HOXB3: variants seen among roughly 807,000 people sequenced by gnomAD.
HOXB3 encodes homeobox B3.
In HOXB3, 17 loss-of-function variants were observed where a neutral mutation model predicts 29.2. The ratio of observed to expected loss-of-function variants is 0.58; its 90% CI spans 0.40 to 0.87. The LOEUF is 0.87. HOXB3 is among the 40% of genes least tolerant of loss of function. The pLI, the probability that HOXB3 is intolerant of heterozygous loss-of-function variation, is 0.00. For missense variants in HOXB3, 637 were observed against 616.3 expected, an observed-to-expected ratio of 1.03 and a Z score of -0.35; for synonymous variants, 317 against 285.9, an observed-to-expected ratio of 1.11 and a Z score of -1.10.
chr17:48,567,313 C>T (rs1486725224), intron 2 of HOXB3, among the ~76,000 whole-genome samples: 11 of 152,222 alleles, frequency 7.2e-5, no homozygotes, highest in Admixed American at 7.2e-4. Flanking sequence ...AACACCTGGG[C>T]GCGGCGTTGC....
chr17:48,565,265 G>A (rs2069353936), intron 2 of HOXB3, among the ~76,000 whole-genome samples: 1 of 152,144 alleles, frequency 6.6e-6, no homozygotes, highest in Admixed American at 6.5e-5. Context: ...GAAGTGTCCT[G>A]GACATCTTGG....
intron 1 of HOXB3, chr17:48,578,650 C>A (rs895096865): frequency 1.6e-5 from 5 of 303,800 alleles, no homozygotes; most frequent in South Asian, 9.3e-5. Flanking sequence ...AGAGAGAGAG[C>A]GCGCGCAGGT....
intron 2 of HOXB3, among the ~76,000 whole-genome samples, chr17:48,571,027 A>T (rs1248761828): frequency 6.6e-6 from 1 of 152,210 alleles, no homozygotes; most frequent in Non-Finnish European, 1.5e-5. Flanking sequence ...TTTTAAGGAC[A>T]AGAAAAAGAA....
intron 2 of HOXB3, among the ~76,000 whole-genome samples, chr17:48,572,835 G>A (rs1404861753): frequency 3.3e-5 from 5 of 152,176 alleles, no homozygotes; most frequent in African/African-American, 9.7e-5. Flanking sequence ...GCAGAGGTGT[G>A]ACTCTCCCTC....
At chr17:48,584,546 G>A (rs1212851295) in intron 1 of HOXB3, among the ~76,000 whole-genome samples, 2 of 152,218 alleles carry the variant, frequency 1.3e-5, no homozygotes, top group Admixed American at 1.3e-4. Flanking sequence ...CTTCACATTG[G>A]AAGTATTCTT....
In HOXB3 at chr17:48,550,558, A is replaced by G. The variant is rs766326326; in HGVS notation, c.1072T>C (p.Tyr358His). 4 of 1,516,488 alleles carry G rather than the reference A, an allele frequency of 2.6e-6. No individual in the cohort carries two copies. The highest frequency in any genetic ancestry group is 4.5e-5 in the East Asian group (2 of 44,184). 93.9% of individuals were successfully genotyped at this position (1,516,488 alleles called of 1,614,324 possible). Residue 358 changes from tyrosine (Y) to histidine (H), a missense_variant, in exon 5 of 5, where the codon TAC becomes CAC. By Grantham distance (83) the Tyr-to-His change is moderately conservative (BLOSUM62 2). Transcript: ENST00000498678. ...GSPVYVGGGGYADPLPPPAGP... is the reference protein window; with the variant it reads ...GSPVYVGGGGHADPLPPPAGP... ...GCAGGGGGCGGCAGCGGATCCGCGT[A>G]GCCGCCCCCGCCCACGTACACCGGA...
intron 2 of HOXB3, among the ~76,000 whole-genome samples, chr17:48,562,417 T>G (rs2069230587): frequency 6.6e-6 from 1 of 152,122 alleles, no homozygotes; most frequent in Non-Finnish European, 1.5e-5. Flanking sequence ...CGCTCTGCTG[T>G]GCTTCCCCAT....
chr17:48,573,399 C>G (rs901355060), intron 2 of HOXB3, among the ~76,000 whole-genome samples: 6 of 152,304 alleles, frequency 3.9e-5, no homozygotes, highest in Admixed American at 3.9e-4. Context: ...CACTGGTAAA[C>G]AGGCATAGGG....
intron 1 of HOXB3, chr17:48,577,825 C>T (rs1394206333): frequency 3.6e-6 from 5 of 1,379,768 alleles, no homozygotes; most frequent in Non-Finnish European, 3.8e-6. Context: ...GTGTAAAGCT[C>T]CAGGGGTGGG....
At chr17:48,558,068 A>T (rs769340962) in intron 2 of HOXB3, among the ~76,000 whole-genome samples, 1 of 152,070 alleles carries the variant, frequency 6.6e-6, no homozygotes, top group Non-Finnish European at 1.5e-5. Flanking sequence ...CCAAGAATGT[A>T]CCTCAAAACC....
intron 2 of HOXB3, among the ~76,000 whole-genome samples, chr17:48,571,931 TTC>T (rs1335645505): frequency 6.6e-6 from 1 of 152,226 alleles, no homozygotes; most frequent in African/African-American, 2.4e-5. Flanking sequence ...CCCAGCAAGG[TTC>T]TGTCTCTCCT....
In HOXB3 at chr17:48,550,588, C is replaced by A; in HGVS notation, c.1042G>T (p.Gly348Cys). Residue 348 changes from glycine to cysteine, a missense_variant, in exon 5 of 5, where the codon GGC (glycine) becomes TGC (cysteine). Coordinates refer to ENST00000498678, the MANE Select transcript of HOXB3 (RefSeq NM_001384749.1). ...GGAYGTPTMQ[G>C]SPVYVGGGGY... ...CCCCCGCCCACGTACACCGGACTGC[C>A]CTGCATGGTGGGCGTCCCGTAGGCG... is the stretch of plus-strand genomic sequence containing the variant. 1 of 1,525,440 alleles carries A rather than the reference C, an allele frequency of 6.6e-7. No individual in the cohort carries two copies. 94.5% of individuals were successfully genotyped at this position (1,525,440 alleles called of 1,614,324 possible). A position where few individuals can be genotyped will look rare whatever the true frequency, so the allele number is the denominator to read the frequency against.
At chr17:48,573,811 G>T (rs1427584446) in intron 2 of HOXB3, 26 bp downstream of exon 2, 1 of 701,158 alleles carries the variant, frequency 1.4e-6, no homozygotes, top group East Asian at 2.7e-5. Context: ...ATCAAAACAC[G>T]CCAGCCCGGG....
intron 2 of HOXB3, among the ~76,000 whole-genome samples, chr17:48,558,132 G>C (rs775089081): frequency 1.2e-4 from 19 of 152,170 alleles, no homozygotes; most frequent in Non-Finnish European, 1.9e-4. Flanking sequence ...TTGTAAAACT[G>C]AGAGAAGAGG....
intron 2 of HOXB3, among the ~76,000 whole-genome samples, chr17:48,570,473 C>G (rs1260498436): frequency 2.0e-5 from 3 of 152,184 alleles, no homozygotes; most frequent in Non-Finnish European, 4.4e-5. Context: ...AGGACCACAG[C>G]CTCCGGGGCA....
At chr17:48,576,667 CT>C in intron 1 of HOXB3, 24 of 1,292,238 alleles carry the variant, frequency 1.9e-5, no homozygotes, top group Non-Finnish European at 2.1e-5. Flanking sequence ...ACCCCATCCC[CT>C]GCACTCACTG....
chr17:48,566,392 G>T (rs2069387798), intron 2 of HOXB3, among the ~76,000 whole-genome samples: 1 of 151,172 alleles, frequency 6.6e-6, no homozygotes, highest in Non-Finnish European at 1.5e-5. Flanking sequence ...AGGGGAGGGG[G>T]TATCAGTGTC....
chr17:48,555,365 G>GAGAGA (rs1567949267), intron 3 of HOXB3, 166 bp downstream of exon 3: 197 of 133,934 alleles, frequency 1.5e-3, no homozygotes, highest in Middle Eastern at 0.012. Context: ...AGAGAGAGAG[G>GAGAGA]GAGGGAGGGA....
chr17:48,580,316 C>T (rs1483473328), intron 1 of HOXB3: 10 of 101,240 alleles, frequency 9.9e-5, no homozygotes, highest in East Asian at 2.8e-4. Context: ...CCCCCCAGGA[C>T]TTTTTTTTTT....
Sources: allele counts gnomAD v4.1 joint callset (sites outside exome capture counted in the v4.1 genomes callset), GRCh38; gene constraint gnomAD v4.1.1; transcripts MANE v1.5; gene names NCBI Gene and HGNC (gene_info 2026-07-23, HGNC 2026-07-21).